PRDM12: variants seen among roughly 807,000 people sequenced by gnomAD.
PRDM12 encodes the protein PR domain zinc finger protein 12.
A neutral mutation model predicts 29.6 loss-of-function variants in PRDM12; 17 were observed. The ratio of observed to expected loss-of-function variants is 0.57; its 90% CI spans 0.39 to 0.86. The LOEUF (loss-of-function observed/expected upper bound fraction) is 0.86, where lower values mean the gene tolerates loss of function less well. Among genes scored for constraint, PRDM12 ranks in the 40% least tolerant of loss-of-function variants. PRDM12 has a pLI of 0.00. For synonymous variants in PRDM12, 231 were observed against 225.8 expected, an observed-to-expected ratio of 1.02 and a Z score of -0.21; for missense variants, 422 against 510.8, an observed-to-expected ratio of 0.83 and a Z score of 1.68.
In PRDM12 at chr9:130,668,277, C is replaced by T. The variant is rs1392598450; in HGVS notation, c.534C>T (p.Val178=). Residue 178 remains valine, a synonymous_variant, in exon 3 of 5, where the codon GTC becomes GTT. Coordinates refer to ENST00000253008, the MANE Select transcript of PRDM12 (RefSeq NM_021619.3). This position sits in a 1 kb window ranked among gnomAD's most constrained non-coding sequence, Gnocchi z 4.0. Reference sequence around the variant, plus strand: ...AACAGGAGCAGAACCTGGAGGTGGTCCAGATCGGCACCAGCATCTTCTACA... The same window carrying T: ...AACAGGAGCAGAACCTGGAGGTGGTTCAGATCGGCACCAGCATCTTCTACA... ...RNEQEQNLEV[V]QIGTSIFYKA... is the part of the protein sequence containing the mutation. 2 of 1,614,100 alleles carry T rather than the reference C, an allele frequency of 1.2e-6. No individual in the cohort carries two copies. Among genetic ancestry groups the T allele is most frequent in the Non-Finnish European group, 1.7e-6 (2 of 1,180,024 alleles).
rs1004407222 is a variant in PRDM12 at position 130,682,459 on chromosome 9, G to C, written c.*790G>C. ...GTTTCCCCATCTGTAAAATGAAGGA[G>C]TTGGACCAATGCCCCCTCCCCTTCA... On this transcript the variant is annotated 3_prime_UTR_variant, in exon 5 of 5. Coordinates refer to ENST00000253008, the MANE Select transcript of PRDM12 (RefSeq NM_021619.3). This position sits in a 1 kb window ranked among gnomAD's most constrained non-coding sequence, Gnocchi z 4.2. 1 of 152,476 alleles carries C rather than the reference G, an allele frequency of 6.6e-6. No individual in the cohort carries two copies. The highest frequency in any genetic ancestry group is 1.5e-5 in the Non-Finnish European group (1 of 68,248). The allele number at this position is 152,476 out of a possible 1,614,324, so 9.4% of individuals were successfully genotyped here. A position where few individuals can be genotyped will look rare whatever the true frequency, so the allele number is the denominator to read the frequency against.
intron 3 of PRDM12, among the ~76,000 whole-genome samples, chr9:130,671,390 C>T (rs1830788029): frequency 6.6e-6 from 1 of 151,404 alleles, no homozygotes; most frequent in African/African-American, 2.4e-5. Context: ...CACACACACA[C>T]ACACACACAC....
chr9:130,669,568 C>A (rs1202566722), intron 3 of PRDM12, among the ~76,000 whole-genome samples: 1 of 148,088 alleles, frequency 6.8e-6, no homozygotes. Flanking sequence ...GTAATCCCAG[C>A]ATTTTGGGAG....
At chr9:130,672,594 A>T (rs1450901163) in intron 3 of PRDM12, among the ~76,000 whole-genome samples, 3 of 152,212 alleles carry the variant, frequency 2.0e-5, no homozygotes, top group Admixed American at 6.5e-5. Context: ...GATTACGGGA[A>T]GTTGCTGAGC....
At chr9:130,665,900 G>A (rs1234327967) in intron 1 of PRDM12, among the ~76,000 whole-genome samples, 2 of 152,178 alleles carry the variant, frequency 1.3e-5, no homozygotes, top group East Asian at 3.9e-4. Context: ...GGGAACCCTC[G>A]GGGAGCTGGG....
In PRDM12 at chr9:130,681,270, G is replaced by A. The variant is rs369680186; in HGVS notation, c.705G>A (p.Ser235=). 6.8e-7 allele frequency: 1 copy of A among 1,472,768 alleles called. No homozygotes were observed. The highest frequency in any genetic ancestry group is 1.4e-5 in the African/African-American group (1 of 69,650). The allele number at this position is 1,472,768 out of a possible 1,614,324, so 91.2% of individuals were successfully genotyped here. A position where few individuals can be genotyped will look rare whatever the true frequency, so the allele number is the denominator to read the frequency against. Residue 235 remains serine (S), a synonymous_variant, in exon 5 of 5, where the codon TCG becomes TCA. Coordinates refer to ENST00000253008, the MANE Select transcript of PRDM12 (RefSeq NM_021619.3). The surrounding 1 kb of genome is among the most constrained non-coding windows in gnomAD (Gnocchi z 8.1). ...NKHEDFHPAD[S]AAGPAGRMRC... is the part of the protein sequence containing the mutation. The stretch of plus-strand genomic sequence containing the variant: ...CAGAGGACTTCCACCCGGCGGACTC[G>A]GCGGCTGGCCCCGCGGGCCGCATGC...
In PRDM12 at chr9:130,681,353, G is replaced by T; in HGVS notation, c.788G>T (p.Arg263Leu). The T allele has an allele frequency of 6.3e-7, 1 of 1,578,902 alleles. No individual in the cohort carries two copies. Among genetic ancestry groups the T allele is most frequent in the Non-Finnish European group, 8.6e-7 (1 of 1,162,876 alleles). ...NSRSNLRSHM[R>L]IHTLDKPFVC... The stretch of plus-strand genomic sequence containing the variant: ...CGCAGCAACCTGCGCTCGCACATGC[G>T]CATCCACACGCTGGACAAGCCCTTC... Residue 263 changes from arginine (R) to leucine (L), a missense_variant, in exon 5 of 5, where the codon CGC (arginine) becomes CTC (leucine). Arg to Leu is a moderately radical substitution (Grantham distance 102, BLOSUM62 -2). This residue lies in a region of PRDM12 where 4 missense variants were observed against 17.0 expected (regional missense o/e 0.24). Transcript: ENST00000253008. This position sits in a 1 kb window ranked among gnomAD's most constrained non-coding sequence, Gnocchi z 8.1.
intron 3 of PRDM12, among the ~76,000 whole-genome samples, chr9:130,670,771 C>T (rs148327415): frequency 4.0e-4 from 61 of 152,322 alleles, no homozygotes; most frequent in Non-Finnish European, 7.3e-4. Flanking sequence ...CAACCCCACA[C>T]GCACACACAT....
At chr9:130,665,156 G>A (rs1477820504) in intron 1 of PRDM12, among the ~76,000 whole-genome samples, 1 of 152,206 alleles carries the variant, frequency 6.6e-6, no homozygotes, top group Non-Finnish European at 1.5e-5. Context: ...TCCTGCGCTT[G>A]AGCTGGCGGG....
chr9:130,665,794 G>T lies in PRDM12; in HGVS notation c.224-814G>T, dbSNP rs558115583. Among the ~76,000 whole-genome samples the T allele has an allele frequency of 1.3e-3, 201 of 152,328 alleles. 1 individual carries two copies. Among genetic ancestry groups the T allele is most frequent in the Non-Finnish European group, 2.5e-3 (170 of 68,022 alleles). On this transcript the variant is annotated intron_variant, in intron 1 of 4. Transcript: ENST00000253008. ...CCCTTTCAGCCGGCCCGCTCGCCGG[G>T]TATTTTCCCAGGTAGCTTAGAGGGG...
intron 3 of PRDM12, among the ~76,000 whole-genome samples, chr9:130,671,750 A>G (rs183305246): frequency 2.0e-5 from 3 of 152,310 alleles, no homozygotes. Context: ...TGACTTGGGA[A>G]TCAATTGGCT....
Position 130,668,582 on chromosome 9 carries a change from A to G in PRDM12, c.570+269A>G, listed in dbSNP as rs1450745629. Among the ~76,000 whole-genome samples, 2 of 152,240 alleles carry G rather than the reference A, an allele frequency of 1.3e-5. No homozygotes were observed. Among genetic ancestry groups the G allele is most frequent in the Non-Finnish European group, 2.9e-5 (2 of 68,046 alleles). ...TGACGGCATTGGGAATGTCACGAGC[A>G]TCTCCATAGTGAGGTCCCCAGATGT... On this transcript the variant is annotated intron_variant, in intron 3 of 4. Coordinates refer to ENST00000253008, the MANE Select transcript of PRDM12 (RefSeq NM_021619.3). This position sits in a 1 kb window ranked among gnomAD's most constrained non-coding sequence, Gnocchi z 4.0.
At position 130,681,545 on chromosome 9, in the gene PRDM12, G is replaced by C. The variant is rs747995562; in HGVS notation, c.980G>C (p.Ser327Thr). 120 of 1,266,646 alleles carry C rather than the reference G, an allele frequency of 9.5e-5. 1 individual carries two copies. In the African/African-American group the frequency reaches 1.4e-3, roughly 15 times the overall value. 78.5% of individuals were successfully genotyped at this position (1,266,646 alleles called of 1,614,324 possible). A position where few individuals can be genotyped will look rare whatever the true frequency, so the allele number is the denominator to read the frequency against. ...HQKSARHRPP[S>T]TALQAHSPAL... ...AAGAGCGCGCGGCACCGGCCGCCCA[G>C]CACCGCGCTGCAGGCACACTCGCCC... Residue 327 changes from serine (S) to threonine (T), a missense_variant, in exon 5 of 5, where the codon AGC becomes ACC. By Grantham distance (58) the Ser-to-Thr change is moderately conservative. This residue lies in a region of PRDM12 where 66 missense variants were observed against 61.5 expected (regional missense o/e 1.07). Transcript: ENST00000253008. This position sits in a 1 kb window ranked among gnomAD's most constrained non-coding sequence, Gnocchi z 8.1.
chr9:130,666,478 C>T, intron 1 of PRDM12, 130 bp from the exon 2 acceptor site: 2 of 1,231,904 alleles, frequency 1.6e-6, no homozygotes, highest in East Asian at 2.8e-5. Flanking sequence ...CGGGTGGCTT[C>T]TCTGGATTTG....
chr9:130,680,659 A>ATATATATTTTTTTTTTT, intron 4 of PRDM12, among the ~76,000 whole-genome samples: 5 of 72,194 alleles, frequency 6.9e-5, no homozygotes, highest in Admixed American at 1.9e-4. Context: ...ATATATATAT[A>ATATATATTTTTTTTTTT]TTTTTTTTTT....
intron 3 of PRDM12, among the ~76,000 whole-genome samples, chr9:130,674,532 G>GTGTGTGTA (rs776616682): frequency 1.5e-4 from 22 of 144,770 alleles, no homozygotes; most frequent in Admixed American, 1.2e-3. Flanking sequence ...GTGTGTGTGT[G>GTGTGTGTA]TATAGAAGTA....
rs74534910 is a variant in PRDM12 at position 130,667,141 on chromosome 9, C to T, written c.414+343C>T. On this transcript the variant is annotated intron_variant, in intron 2 of 4. Transcript: ENST00000253008. ...CGCGCCATCCCTCCAGGCCTCTTCC[C>T]AGCCACTTACATTCTTTCCCTGGCC... Among the ~76,000 whole-genome samples the T allele has an allele frequency of 4.1e-3, 626 of 152,356 alleles. 4 individuals are homozygous for T. Among genetic ancestry groups the T allele is most frequent in the African/African-American group, 0.014 (585 of 41,576 alleles).
In PRDM12 at chr9:130,681,640, G is replaced by GCCT. The variant is rs2132608912; in HGVS notation, c.1076_1077insCTC (p.Ala359_His360insSer). ...CGCCGCCGCCGCCGCCGCCGCCGCCGCGCACCACCTGCCGGCCATGGTGCT... is the reference window on the plus strand; with the variant it reads ...CGCCGCCGCCGCCGCCGCCGCCGCCGCCTCGCACCACCTGCCGGCCATGGTGCT... On this transcript the variant is annotated inframe_insertion, in exon 5 of 5. Coordinates refer to ENST00000253008, the MANE Select transcript of PRDM12 (RefSeq NM_021619.3). The surrounding 1 kb of genome is among the most constrained non-coding windows in gnomAD (Gnocchi z 8.1). 22 of 977,704 alleles carry GCCT rather than the reference G, an allele frequency of 2.3e-5. No individual in the cohort carries two copies. The highest frequency in any genetic ancestry group is 2.7e-5 in the Non-Finnish European group (22 of 826,126). 60.6% of individuals were successfully genotyped at this position (977,704 alleles called of 1,614,324 possible).
chr9:130,670,730 T>C (rs1564245972), intron 3 of PRDM12, among the ~76,000 whole-genome samples: 2 of 152,172 alleles, frequency 1.3e-5, no homozygotes, highest in South Asian at 2.1e-4. Flanking sequence ...CTGATACAGA[T>C]GTGATGGAGG....
Sources: gnomAD v4.1 joint callset for allele counts (sites outside exome capture counted in the v4.1 genomes callset) on GRCh38, gnomAD v4.1.1 for gene constraint, gnomAD v4.1.1 regional missense constraint, Gnocchi (gnomAD v3.1) non-coding constraint, MANE v1.5 for transcripts, NCBI Gene and HGNC (gene_info 2026-07-23, HGNC 2026-07-21) for gene names.